The following TENM4 variants were observed in gnomAD, a reference collection of about 807,000 sequenced individuals.
The protein encoded by TENM4 is teneurin-4.
Under a neutral mutation model 243.3 loss-of-function variants are expected in TENM4, and 82 were observed. The ratio of observed to expected loss-of-function variants is 0.34; its 90% CI spans 0.28 to 0.40. The LOEUF (loss-of-function observed/expected upper bound fraction) is 0.40. TENM4 is among the 10% of genes least tolerant of loss of function. The pLI is 1.00. For synonymous variants in TENM4, 1,412 were observed against 1,456.3 expected, an observed-to-expected ratio of 0.97 and a Z score of 0.69; for missense variants, 3,138 against 3,673.3, an observed-to-expected ratio of 0.85 and a Z score of 3.77.
chr11:79,148,156 A>G (rs1328020277), intron 4 of TENM4, among the ~76,000 whole-genome samples: 1 of 152,102 alleles, frequency 6.6e-6, no homozygotes, highest in Non-Finnish European at 1.5e-5. Flanking sequence ...ATTCCAAGTG[A>G]CCAGGGTGGG....
intron 2 of TENM4, among the ~76,000 whole-genome samples, chr11:79,294,588 C>T (rs1452489654): frequency 6.6e-6 from 1 of 151,600 alleles, no homozygotes; most frequent in Admixed American, 6.5e-5. Context: ...GTGGCTTGTG[C>T]CTGTAATCCC....
chr11:78,877,538 ACTC>A (rs1385270296), intron 9 of TENM4, among the ~76,000 whole-genome samples: 1 of 151,922 alleles, frequency 6.6e-6, no homozygotes, highest in African/African-American at 2.4e-5. Flanking sequence ...TATAAAATCA[ACTC>A]CTTTTCCATA....
chr11:78,827,823 G>T (rs1331119948), intron 12 of TENM4, among the ~76,000 whole-genome samples: 1 of 152,122 alleles, frequency 6.6e-6, no homozygotes, highest in Non-Finnish European at 1.5e-5. Context: ...TTTCGTGAAG[G>T]TCCCCCTGGC....
At chr11:79,002,573 G>T (rs553887326) in intron 6 of TENM4, among the ~76,000 whole-genome samples, 1 of 152,310 alleles carries the variant, frequency 6.6e-6, no homozygotes, top group South Asian at 2.1e-4. Flanking sequence ...AAGAAACAAG[G>T]CTAGTTGAGT....
At chr11:79,413,925 C>T (rs1014852514) in intron 1 of TENM4, among the ~76,000 whole-genome samples, 5 of 151,792 alleles carry the variant, frequency 3.3e-5, no homozygotes, top group Non-Finnish European at 7.4e-5. Context: ...AAGTCATAGA[C>T]GGCAAATATT....
chr11:78,852,551 T>G (rs946334667), intron 12 of TENM4, among the ~76,000 whole-genome samples: 1 of 152,138 alleles, frequency 6.6e-6, no homozygotes, highest in African/African-American at 2.4e-5. Flanking sequence ...GGCATGGTGG[T>G]GTGTGCCTGT....
At chr11:79,141,885 G>A (rs1237941588) in intron 4 of TENM4, among the ~76,000 whole-genome samples, 1 of 152,000 alleles carries the variant, frequency 6.6e-6, no homozygotes, top group Admixed American at 6.6e-5. Context: ...ATAGAATGAA[G>A]AATGAAAATC....
intron 6 of TENM4, among the ~76,000 whole-genome samples, chr11:79,007,320 A>C (rs1475753855): frequency 6.6e-6 from 1 of 152,110 alleles, no homozygotes; most frequent in Non-Finnish European, 1.5e-5. Context: ...GAGCAGTAGT[A>C]GGGGAAGATG....
At chr11:78,906,486 A>C (rs1180053664) in intron 6 of TENM4, among the ~76,000 whole-genome samples, 1 of 152,230 alleles carries the variant, frequency 6.6e-6, no homozygotes, top group Admixed American at 6.5e-5. Context: ...CTGGCTTGAT[A>C]AATGTTCAGG....
intron 18 of TENM4, among the ~76,000 whole-genome samples, chr11:78,766,857 C>G (rs1257382144): frequency 6.6e-6 from 1 of 151,922 alleles, no homozygotes; most frequent in Non-Finnish European, 1.5e-5. Context: ...TGCGCCCCAC[C>G]AAGCCCAGCT....
chr11:79,311,700 T>C (rs1034002726), intron 1 of TENM4, among the ~76,000 whole-genome samples: 20 of 152,170 alleles, frequency 1.3e-4, no homozygotes, highest in Non-Finnish European at 2.5e-4. Flanking sequence ...AGTGTGTACA[T>C]GGTGGCCACC....
chr11:79,410,976 AAC>A (rs1207203011), intron 1 of TENM4, among the ~76,000 whole-genome samples: 1 of 151,878 alleles, frequency 6.6e-6, no homozygotes, highest in African/African-American at 2.4e-5. Context: ...CACACATACA[AAC>A]ACACACTCAA....
chr11:78,889,941 C>A lies in TENM4; in HGVS notation c.928G>T (p.Val310Leu). ...AGGGGTCGGGGCGGAGGAGAGTACACTGTGCTGGACGTCAGTGGGTACCCT... is the reference window on the plus strand; with the variant it reads ...AGGGGTCGGGGCGGAGGAGAGTACAATGTGCTGGACGTCAGTGGGTACCCT... ...SPGYPLTSST[V>L]YSPPPRPLPR... Residue 310 changes from valine (V) to leucine (L), a missense_variant, in exon 9 of 34, where the codon GTG becomes TTG. Val to Leu is a conservative substitution (Grantham distance 32). Coordinates refer to ENST00000278550, the MANE Select transcript of TENM4 (RefSeq NM_001098816.3). The A allele has an allele frequency of 6.4e-7, 1 of 1,551,620 alleles. No homozygotes were observed.
At chr11:79,249,024 A>G (rs1855566016) in intron 2 of TENM4, among the ~76,000 whole-genome samples, 1 of 152,220 alleles carries the variant, frequency 6.6e-6, no homozygotes, top group African/African-American at 2.4e-5. Context: ...TTTTCACCTG[A>G]TCTTCAGCAA....
intron 6 of TENM4, chr11:78,962,329 CA>C (rs5792829): frequency 1 from 150,743 of 150,758 alleles, 75,364 homozygotes; most frequent in Non-Finnish European, 1. Flanking sequence ...GTTGATGAAG[CA>C]GGATGAACAA....
chr11:79,002,176 C>A (rs1224652414), intron 6 of TENM4, among the ~76,000 whole-genome samples: 1 of 152,214 alleles, frequency 6.6e-6, no homozygotes, highest in East Asian at 1.9e-4. Flanking sequence ...AGTGGCCCTG[C>A]ACCTCCCCTT....
At chr11:79,327,375 T>G (rs1856991432) in intron 1 of TENM4, among the ~76,000 whole-genome samples, 1 of 152,210 alleles carries the variant, frequency 6.6e-6, no homozygotes, top group East Asian at 1.9e-4. Flanking sequence ...AATGAAGGTT[T>G]AGGGCCAATA....
At chr11:78,886,579 A>G (rs892591203) in intron 9 of TENM4, among the ~76,000 whole-genome samples, 3 of 152,198 alleles carry the variant, frequency 2.0e-5, no homozygotes, top group Non-Finnish European at 4.4e-5. Flanking sequence ...TTTCTAGATG[A>G]GCAAATCAGA....
At chr11:79,372,470 T>A (rs1857806984) in intron 1 of TENM4, among the ~76,000 whole-genome samples, 1 of 152,064 alleles carries the variant, frequency 6.6e-6, no homozygotes. Flanking sequence ...TCAGCAAGGA[T>A]GTGGGGTAGG....
Sources: gnomAD v4.1 joint callset for allele counts (sites outside exome capture counted in the v4.1 genomes callset) on GRCh38, gnomAD v4.1.1 for gene constraint, MANE v1.5 for transcripts, NCBI Gene and HGNC (gene_info 2026-07-23, HGNC 2026-07-21) for gene names.